Variants in RBKS observed in about 807,000 individuals in gnomAD.
The protein encoded by RBKS is ribokinase.
In RBKS, 33 loss-of-function variants were observed where a neutral mutation model predicts 33.9. The observed-to-expected ratio is 0.97, with a 90% CI of 0.74 to 1.30. The LOEUF is 1.30. RBKS is among the 50% of genes most tolerant of loss of function. The pLI, the probability that RBKS is intolerant of heterozygous loss-of-function variation, is 0.00. For missense variants in RBKS, 361 were observed against 392.6 expected (o/e 0.92, Z 0.68); for synonymous variants, 125 against 143.0 (o/e 0.87, Z 0.90).
intron 7 of RBKS, among the ~76,000 whole-genome samples, chr2:27,815,415 G>A (rs1678068719): frequency 6.6e-6 from 1 of 152,066 alleles, no homozygotes; most frequent in Non-Finnish European, 1.5e-5. Context: ...TGCCCAGGCT[G>A]GTCTTGTACT....
intron 5 of RBKS, 100 bp downstream of exon 5, chr2:27,842,967 A>T: frequency 1.2e-6 from 1 of 840,544 alleles, no homozygotes; most frequent in Non-Finnish European, 1.7e-6. Context: ...AGAATATTTT[A>T]CGACAGAAAG....
In RBKS at chr2:27,837,280, CA is replaced by C. The variant is rs1678545696; in HGVS notation, c.515-4504del. ...TAGAGCGAGACTCCATCTCAAAAAA[CA>C]AAACAAAACAAAACGAAACAAAAAA... On this transcript the variant is annotated intron_variant, in intron 5 of 7. Coordinates refer to ENST00000302188, the MANE Select transcript of RBKS (RefSeq NM_022128.3). This position sits in a 1 kb window ranked among gnomAD's most constrained non-coding sequence, Gnocchi z 4.0. Among the ~76,000 whole-genome samples, 7 of 150,720 alleles carry C rather than the reference CA, an allele frequency of 4.6e-5. No homozygotes were observed. In the South Asian group the frequency reaches 1.5e-3, roughly 31 times the overall value.
intron 7 of RBKS, among the ~76,000 whole-genome samples, chr2:27,803,011 A>G (rs916362686): frequency 5.9e-5 from 9 of 151,968 alleles, no homozygotes; most frequent in Non-Finnish European, 1.3e-4. Flanking sequence ...AAATATTTTT[A>G]TAGAGACAGA....
chr2:27,849,743 C>T (rs972266888), intron 2 of RBKS, among the ~76,000 whole-genome samples: 5 of 151,974 alleles, frequency 3.3e-5, no homozygotes, highest in South Asian at 2.1e-4. Flanking sequence ...ACTGGATCTC[C>T]CCTGTTTTTG....
intron 1 of RBKS, among the ~76,000 whole-genome samples, chr2:27,862,663 C>T (rs1664014423): frequency 6.6e-6 from 1 of 152,204 alleles, no homozygotes; most frequent in Non-Finnish European, 1.5e-5. Flanking sequence ...CTTCCTTCTT[C>T]CCTGTCCCCT....
chr2:27,798,390 C>A (rs1031478591), intron 7 of RBKS, among the ~76,000 whole-genome samples: 1 of 152,116 alleles, frequency 6.6e-6, no homozygotes, highest in East Asian at 1.9e-4. Flanking sequence ...TAACATGGAC[C>A]TCTTCTTATC....
At chr2:27,858,318 A>G (rs1225603643) in intron 2 of RBKS, 121 bp downstream of exon 2, 18 of 881,024 alleles carry the variant, frequency 2.0e-5, no homozygotes, top group African/African-American at 5.0e-5. Flanking sequence ...ATGCCACTCT[A>G]TGTATTACAT....
At chr2:27,830,604 A>T (rs1356201458) in intron 6 of RBKS, among the ~76,000 whole-genome samples, 1 of 151,490 alleles carries the variant, frequency 6.6e-6, no homozygotes, top group Non-Finnish European at 1.5e-5. Context: ...TCTTCCATTA[A>T]GTTTCTGAGA....
intron 7 of RBKS, among the ~76,000 whole-genome samples, chr2:27,791,559 A>C (rs114602565): frequency 1.3e-5 from 2 of 151,600 alleles, no homozygotes; most frequent in Non-Finnish European, 2.9e-5. Context: ...CATCTTGCAG[A>C]TCGTGGGCCT....
chr2:27,808,533 T>C (rs1425256492), intron 7 of RBKS, among the ~76,000 whole-genome samples: 1 of 152,166 alleles, frequency 6.6e-6, no homozygotes, highest in East Asian at 1.9e-4. Context: ...ACCTCACAGG[T>C]TGGTGCCATG....
chr2:27,793,758 G>A (rs1354535406), intron 7 of RBKS, among the ~76,000 whole-genome samples: 1 of 152,096 alleles, frequency 6.6e-6, no homozygotes, highest in Non-Finnish European at 1.5e-5. Flanking sequence ...TCTTGAATTT[G>A]ATAATTATAT....
At chr2:27,789,943 ATATGTG>A (rs1677483783) in intron 7 of RBKS, among the ~76,000 whole-genome samples, 1 of 112,096 alleles carries the variant, frequency 8.9e-6, no homozygotes, top group Non-Finnish European at 1.7e-5. Flanking sequence ...ATATATATGT[ATATGTG>A]TATATATATA....
At chr2:27,820,581 T>C (rs868206060) in intron 7 of RBKS, among the ~76,000 whole-genome samples, 33 of 140,556 alleles carry the variant, frequency 2.3e-4, no homozygotes, top group African/African-American at 7.1e-4. Context: ...CTCTCTCTCT[T>C]TCTTTCTTTT....
Position 27,781,680 on chromosome 2 carries a change from CACTG to C in RBKS, c.900_903del (p.Val302ArgfsTer24), listed in dbSNP as rs747991070. ...GATGACTGTGTTCCTGCAGCCTGGA[CACTG>C]ACTGCTGCAATGAAATTGGATCTGT... is the stretch of plus-strand genomic sequence containing the variant. On this transcript the variant is annotated frameshift_variant, in exon 8 of 8. Coordinates refer to ENST00000302188, the MANE Select transcript of RBKS (RefSeq NM_022128.3). LOFTEE classifies it high-confidence loss of function. 1.5e-5 allele frequency: 24 copies of C among 1,614,048 alleles called. No homozygotes were observed. The highest frequency in any genetic ancestry group is 1.1e-4 in the South Asian group (10 of 91,074).
At chr2:27,849,373 GT>G (rs1252859427) in intron 2 of RBKS, among the ~76,000 whole-genome samples, 1 of 151,600 alleles carries the variant, frequency 6.6e-6, no homozygotes, top group Non-Finnish European at 1.5e-5. Flanking sequence ...GGCCAGCCTG[GT>G]CAACATGGTA....
rs745311395 is a variant in RBKS at position 27,858,503 on chromosome 2, C to T, written c.158G>A (p.Gly53Glu). Reference protein sequence around the residue: ...HGHKFFIGFGGKGANQCVQAA... With the variant: ...HGHKFFIGFGEKGANQCVQAA... ...TTGGACACACTGGTTGGCACCTTTC[C>T]CTCCAAAGCCAATAAAAAACTTATG... Residue 53 changes from glycine (G) to glutamate (E), a missense_variant, in exon 2 of 8, where the codon GGG becomes GAG. Transcript: ENST00000302188. 4 of 1,614,092 alleles carry T rather than the reference C, an allele frequency of 2.5e-6. No homozygotes were observed. The highest frequency in any genetic ancestry group is 2.2e-5 in the South Asian group (2 of 91,068).
chr2:27,832,771 G>T lies in RBKS; in HGVS notation c.521C>A (p.Thr174Asn). 3.1e-6 allele frequency: 5 copies of T among 1,604,590 alleles called. No homozygotes were observed. The highest frequency in any genetic ancestry group is 4.3e-6 in the Non-Finnish European group (5 of 1,171,434). ...AATGGCAGGGGCTGGATTGAACAAG[G>T]TTTTCACTACAAAGGAATGGAAAAG... Reference protein sequence around the residue: ...LTMARRSGVKTLFNPAPAIAD... With the variant: ...LTMARRSGVKNLFNPAPAIAD... Residue 174 changes from threonine (T) to asparagine (N), a missense_variant, in exon 6 of 8, where the codon ACC (threonine) becomes AAC (asparagine). Physicochemically the swap from Thr to Asn is moderately conservative, Grantham distance 65. Coordinates refer to ENST00000302188, the MANE Select transcript of RBKS (RefSeq NM_022128.3).
chr2:27,854,824 T>C (rs1663824045), intron 2 of RBKS, among the ~76,000 whole-genome samples: 1 of 151,988 alleles, frequency 6.6e-6, no homozygotes, highest in Non-Finnish European at 1.5e-5. Context: ...ATATTTAATG[T>C]ATACATTTTG....
At chr2:27,838,933 T>C (rs1663394007) in intron 5 of RBKS, among the ~76,000 whole-genome samples, 1 of 152,218 alleles carries the variant, frequency 6.6e-6, no homozygotes, top group Admixed American at 6.5e-5. Context: ...AGCAGTTGTA[T>C]AGGCTAAAAG....
Sources: gnomAD v4.1 joint callset for allele counts (sites outside exome capture counted in the v4.1 genomes callset) on GRCh38, gnomAD v4.1.1 for gene constraint, Gnocchi (gnomAD v3.1) non-coding constraint, MANE v1.5 for transcripts, NCBI Gene and HGNC (gene_info 2026-07-23, HGNC 2026-07-21) for gene names.